The following CALD1 variants were observed in gnomAD, a reference collection of about 807,000 sequenced individuals.
CALD1 encodes the protein caldesmon 1.
Under a neutral mutation model 99.9 loss-of-function variants are expected in CALD1, and 33 were observed. The ratio of observed to expected loss-of-function variants is 0.33; its 90% CI spans 0.25 to 0.44. The LOEUF is 0.44. CALD1 is among the 20% of genes least tolerant of loss of function. The pLI is 1.00. For missense variants in CALD1, 861 were observed against 962.1 expected (o/e 0.89, Z 1.39); for synonymous variants, 310 against 325.0 (o/e 0.95, Z 0.50).
At chr7:134,928,524 C>T (rs937386719) in intron 3 of CALD1, among the ~76,000 whole-genome samples, 12 of 150,150 alleles carry the variant, frequency 8.0e-5, no homozygotes, top group African/African-American at 2.9e-4. Context: ...GTTATTTGGT[C>T]ATTGTAAATT....
intron 1 of CALD1, among the ~76,000 whole-genome samples, chr7:134,823,610 C>A (rs1798868518): frequency 1.3e-5 from 2 of 152,114 alleles, no homozygotes; most frequent in Admixed American, 6.6e-5. Flanking sequence ...TGTCTCCTAC[C>A]AAACCAAAAA....
chr7:134,868,626 G>A (rs1181919189), intron 3 of CALD1, among the ~76,000 whole-genome samples: 1 of 152,112 alleles, frequency 6.6e-6, no homozygotes, highest in African/African-American at 2.4e-5. Context: ...CGATACCACA[G>A]CACAAAACTG....
At chr7:134,757,034 A>G (rs746765629) in intron 1 of CALD1, among the ~76,000 whole-genome samples, 2 of 151,976 alleles carry the variant, frequency 1.3e-5, no homozygotes, top group African/African-American at 4.8e-5. Flanking sequence ...TTTAAGGCAT[A>G]TGGTATTAGA....
At chr7:134,838,414 G>T (rs992381620) in intron 1 of CALD1, among the ~76,000 whole-genome samples, 2 of 152,188 alleles carry the variant, frequency 1.3e-5, no homozygotes, top group Non-Finnish European at 2.9e-5. Flanking sequence ...AGAGCTACAA[G>T]AAATAATTTG....
At chr7:134,843,779 A>G (rs1220945256) in intron 1 of CALD1, 105 bp from the exon 2 acceptor site, 1 of 152,254 alleles carries the variant, frequency 6.6e-6, no homozygotes, top group Non-Finnish European at 1.5e-5. Context: ...TTTAGATTCT[A>G]ACTAACAACA....
rs576239701 is a variant in CALD1 at position 134,958,433 on chromosome 7, C to T, written c.2061+143C>T. 127 of 623,682 alleles carry T rather than the reference C, an allele frequency of 2.0e-4. 1 individual carries two copies. In the South Asian group the frequency reaches 2.2e-3, roughly 11 times the overall value. The allele number at this position is 623,682 out of a possible 1,614,324, so 38.6% of individuals were successfully genotyped here. ...TTTTTTTTTTTTTTTTTTTTTGAGA[C>T]GGAGTCTCACTCTGTTGCCCAGGCT... On this transcript the variant is annotated intron_variant, in intron 11 of 14. Transcript: ENST00000361675.
intron 1 of CALD1, among the ~76,000 whole-genome samples, chr7:134,797,852 A>G (rs145952467): frequency 0.011 from 1,721 of 152,292 alleles, 23 homozygotes; most frequent in Non-Finnish European, 0.018. Context: ...TCGGCTTCCC[A>G]AAGTGTTTGG....
intron 5 of CALD1, 106 bp from the exon 6 acceptor site, chr7:134,935,582 C>T: frequency 6.7e-7 from 1 of 1,495,558 alleles, no homozygotes; most frequent in Non-Finnish European, 8.9e-7. Flanking sequence ...AGAAGAGAAG[C>T]CATCCCACGC....
chr7:134,891,745 TAAAA>T (rs10607357), intron 3 of CALD1: 35,256 of 422,616 alleles, frequency 0.083, 658 homozygotes, highest in African/African-American at 0.21. Context: ...CGAATTGTTG[TAAAA>T]AAAAAAAAAA....
At chr7:134,769,166 T>C (rs1562992271) in intron 1 of CALD1, among the ~76,000 whole-genome samples, 1 of 152,076 alleles carries the variant, frequency 6.6e-6, no homozygotes, top group African/African-American at 2.4e-5. Flanking sequence ...TCAATTGCTA[T>C]TGCAGCATTT....
chr7:134,899,211 T>C (rs934719050), intron 3 of CALD1, among the ~76,000 whole-genome samples: 18 of 151,188 alleles, frequency 1.2e-4, no homozygotes, highest in Non-Finnish European at 2.5e-4. Context: ...CTTTTTCTTT[T>C]TTTTTTTTTT....
chr7:134,714,066 T>C, the CALD1 span, among the ~76,000 whole-genome samples: 2 of 152,082 alleles, frequency 1.3e-5, no homozygotes, highest in Non-Finnish European at 2.9e-5. Context: ...ACCTCCCACC[T>C]CTGTCTCTTC....
At chr7:134,753,930 T>A (rs775700095) in intron 1 of CALD1, among the ~76,000 whole-genome samples, 4 of 152,236 alleles carry the variant, frequency 2.6e-5, no homozygotes, top group African/African-American at 4.8e-5. Flanking sequence ...CCTAGCTGCA[T>A]TGACTTGAAG....
At chr7:134,808,627 G>A (rs879461406) in intron 1 of CALD1, among the ~76,000 whole-genome samples, 24 of 152,326 alleles carry the variant, frequency 1.6e-4, no homozygotes, top group Admixed American at 2.6e-4. Context: ...TACACACAAG[G>A]ATGGAGATGC....
chr7:134,870,936 G>C (rs933507370), intron 3 of CALD1, among the ~76,000 whole-genome samples: 9 of 152,172 alleles, frequency 5.9e-5, no homozygotes, highest in African/African-American at 1.9e-4. Context: ...TCATGGTTCA[G>C]CCAGCTCTGG....
intron 1 of CALD1, among the ~76,000 whole-genome samples, chr7:134,821,464 AG>A (rs1798770098): frequency 6.6e-6 from 1 of 152,176 alleles, no homozygotes; most frequent in Non-Finnish European, 1.5e-5. Context: ...ATAATTTTAG[AG>A]ATATCCAGAA....
chr7:134,902,767 G>A (rs1318436602), intron 3 of CALD1, among the ~76,000 whole-genome samples: 1 of 152,168 alleles, frequency 6.6e-6, no homozygotes, highest in Non-Finnish European at 1.5e-5. Flanking sequence ...ACAAGGTGCT[G>A]GAAATTGTGG....
intron 1 of CALD1, among the ~76,000 whole-genome samples, chr7:134,796,934 C>T (rs1422353564): frequency 6.6e-6 from 1 of 152,174 alleles, no homozygotes; most frequent in East Asian, 1.9e-4. Context: ...TTTGGAGAAA[C>T]TCTGAAACCC....
upstream of CALD1, among the ~76,000 whole-genome samples, chr7:134,740,332 C>T (rs1796582324): frequency 6.6e-6 from 1 of 152,050 alleles, no homozygotes; most frequent in Non-Finnish European, 1.5e-5. Flanking sequence ...TTGACAGAAT[C>T]AAGATTTAGA....
Sources: gnomAD v4.1 joint callset for allele counts (sites outside exome capture counted in the v4.1 genomes callset) on GRCh38, gnomAD v4.1.1 for gene constraint, MANE v1.5 for transcripts, NCBI Gene and HGNC (gene_info 2026-07-23, HGNC 2026-07-21) for gene names.